The following KCNIP4 variants were observed in gnomAD, a reference collection of about 807,000 sequenced individuals.
The protein encoded by KCNIP4 is potassium voltage-gated channel interacting protein 4, also known as Kv channel-interacting protein 4.
Under a neutral mutation model 34.0 loss-of-function variants are expected in KCNIP4, and 12 were observed. That is an observed-to-expected ratio of 0.35 (90% CI 0.23 to 0.57). The LOEUF is 0.57. Among genes scored for constraint, KCNIP4 ranks in the 20% least tolerant of loss-of-function variants. The pLI, the probability that KCNIP4 is intolerant of heterozygous loss-of-function variation, is 0.83. For synonymous variants in KCNIP4, 124 were observed against 102.2 expected (o/e 1.21, Z -1.29); for missense variants, 238 against 311.7 (o/e 0.76, Z 1.78).
At chr4:21,816,062 G>A (rs1721967096) in intron 1 of KCNIP4, among the ~76,000 whole-genome samples, 1 of 152,114 alleles carries the variant, frequency 6.6e-6, no homozygotes, top group African/African-American at 2.4e-5. Flanking sequence ...TATCAAAGCT[G>A]TTGCTTGTGA....
intron 1 of KCNIP4, among the ~76,000 whole-genome samples, chr4:21,918,331 A>G (rs1353276533): frequency 6.6e-6 from 1 of 152,230 alleles, no homozygotes. Flanking sequence ...ACCCTACAGT[A>G]AGCGGGAGAT....
At chr4:21,025,624 C>T (rs868623358) in intron 1 of KCNIP4, among the ~76,000 whole-genome samples, 1 of 122,708 alleles carries the variant, frequency 8.1e-6, no homozygotes, top group East Asian at 2.6e-4. Context: ...TGCGATTTCG[C>T]CTCACTGCCA....
intron 1 of KCNIP4, among the ~76,000 whole-genome samples, chr4:21,617,574 T>C (rs753835705): frequency 2.0e-5 from 3 of 152,224 alleles, no homozygotes; most frequent in Non-Finnish European, 4.4e-5. Flanking sequence ...AGAATAATTA[T>C]TCTGCTCCAG....
At chr4:20,841,449 G>T (rs373285437) in intron 3 of KCNIP4, among the ~76,000 whole-genome samples, 22 of 152,170 alleles carry the variant, frequency 1.4e-4, no homozygotes, top group African/African-American at 4.8e-4. Flanking sequence ...CCTACTTTAG[G>T]AGATATCAGA....
intron 1 of KCNIP4, among the ~76,000 whole-genome samples, chr4:21,611,635 T>G (rs1164439989): frequency 1.3e-5 from 2 of 151,856 alleles, no homozygotes; most frequent in African/African-American, 2.4e-5. Context: ...TTTAAGGTTT[T>G]TTTGTTTGTT....
At chr4:21,252,037 TG>T (rs1196734109) in intron 1 of KCNIP4, among the ~76,000 whole-genome samples, 1 of 149,452 alleles carries the variant, frequency 6.7e-6, no homozygotes, top group Non-Finnish European at 1.5e-5. Flanking sequence ...AGAAATATAA[TG>T]GGAAAAAAAA....
intron 1 of KCNIP4, among the ~76,000 whole-genome samples, chr4:21,719,677 T>C (rs1486933681): frequency 2.0e-5 from 3 of 151,768 alleles, no homozygotes; most frequent in Admixed American, 1.3e-4. Flanking sequence ...GAAGAAACAA[T>C]AGGGGCCAGG....
chr4:20,925,055 A>G (rs948519405), intron 1 of KCNIP4, among the ~76,000 whole-genome samples: 21 of 152,208 alleles, frequency 1.4e-4, no homozygotes, highest in African/African-American at 5.1e-4. Flanking sequence ...TTGAAATGTG[A>G]AAATGGTCTG....
intron 1 of KCNIP4, among the ~76,000 whole-genome samples, chr4:21,723,590 A>C (rs1824366): frequency 0.4 from 61,345 of 151,908 alleles, 14,646 homozygotes; most frequent in East Asian, 0.67. Context: ...AAGAACTCAC[A>C]ACAAATGGCT....
intron 1 of KCNIP4, among the ~76,000 whole-genome samples, chr4:21,233,736 A>G (rs546574225): frequency 2.7e-5 from 4 of 150,180 alleles, no homozygotes; most frequent in African/African-American, 9.8e-5. Context: ...TCTTGTCACT[A>G]TGCTTCTACC....
chr4:21,937,792 T>A (rs1729946784), intron 1 of KCNIP4, among the ~76,000 whole-genome samples: 1 of 152,106 alleles, frequency 6.6e-6, no homozygotes. Flanking sequence ...TTCCACTGCA[T>A]GACCAATGCC....
chr4:21,456,893 C>A (rs1410763228), intron 1 of KCNIP4, among the ~76,000 whole-genome samples: 1 of 152,016 alleles, frequency 6.6e-6, no homozygotes, highest in East Asian at 1.9e-4. Flanking sequence ...GTCAAGAACT[C>A]CAAGGGATCT....
At chr4:21,151,405 A>AT (rs1491541435) in intron 1 of KCNIP4, among the ~76,000 whole-genome samples, 2,467 of 93,408 alleles carry the variant, frequency 0.026, 471 homozygotes, top group African/African-American at 0.089. Flanking sequence ...AACAAAAGAC[A>AT]ATTTTTTTTT....
chr4:21,595,696 C>T (rs879261080), intron 1 of KCNIP4, among the ~76,000 whole-genome samples: 8 of 151,892 alleles, frequency 5.3e-5, no homozygotes, highest in African/African-American at 1.7e-4. Flanking sequence ...TGGCATGATA[C>T]GGTATCTCAC....
intron 1 of KCNIP4, among the ~76,000 whole-genome samples, chr4:21,618,630 CTTTTTTTT>C (rs58967707): frequency 1.2e-5 from 1 of 81,792 alleles, no homozygotes; most frequent in African/African-American, 4.9e-5. Flanking sequence ...TTTTCTTTTT[CTTTTTTTT>C]TTTTTTTTTT....
intron 1 of KCNIP4, among the ~76,000 whole-genome samples, chr4:21,764,612 T>TGA (rs1367593292): frequency 6.6e-6 from 1 of 151,984 alleles, no homozygotes; most frequent in Non-Finnish European, 1.5e-5. Flanking sequence ...CCAGAAGACA[T>TGA]GAGAGGGTGG....
chr4:21,693,717 C>G (rs73256522), intron 1 of KCNIP4, among the ~76,000 whole-genome samples: 8 of 152,166 alleles, frequency 5.3e-5, no homozygotes, highest in Non-Finnish European at 1.0e-4. Context: ...CCCTCTCATC[C>G]GTTAATCTAA....
At chr4:21,845,263 G>A (rs1383547109) in intron 1 of KCNIP4, 1 of 152,044 alleles carries the variant, frequency 6.6e-6, no homozygotes, top group Non-Finnish European at 1.5e-5. Flanking sequence ...ACTCAACTCT[G>A]CTGGCATAGC....
At chr4:21,746,194 A>G (rs1037677209) in intron 1 of KCNIP4, among the ~76,000 whole-genome samples, 1 of 152,092 alleles carries the variant, frequency 6.6e-6, no homozygotes, top group African/African-American at 2.4e-5. Context: ...TATCTTAATT[A>G]CTTACTTAAA....
Sources: gnomAD v4.1 joint callset for allele counts (sites outside exome capture counted in the v4.1 genomes callset) on GRCh38, gnomAD v4.1.1 for gene constraint, MANE v1.5 for transcripts, NCBI Gene and HGNC (gene_info 2026-07-23, HGNC 2026-07-21) for gene names.